RASEF: variants seen among roughly 807,000 people sequenced by gnomAD.
The protein encoded by RASEF is RAS and EF-hand domain containing, also known as ras and EF-hand domain-containing protein.
In RASEF, 68 loss-of-function variants were observed where a neutral mutation model predicts 90.1. The ratio of observed to expected loss-of-function variants is 0.75; its 90% CI spans 0.62 to 0.92. RASEF has a LOEUF of 0.92. Ranked by LOEUF, RASEF falls within the 40% of genes least tolerant of loss-of-function variation. The probability of loss-of-function intolerance (pLI) is 0.00; values close to 1 mark genes in which losing one functional copy is unlikely to be tolerated. For missense variants in RASEF, 949 were observed against 937.2 expected (o/e 1.01, Z -0.16); for synonymous variants, 331 against 345.2 (o/e 0.96, Z 0.46).
intron 1 of RASEF, among the ~76,000 whole-genome samples, chr9:83,037,874 C>G (rs554982346): frequency 9.9e-5 from 15 of 150,946 alleles, no homozygotes; most frequent in Non-Finnish European, 2.1e-4. Context: ...ATTTTTGAAG[C>G]TTTTTGCAGA....
At chr9:83,048,760 T>C in intron 1 of RASEF, 1 of 981,612 alleles carries the variant, frequency 1.0e-6, no homozygotes, top group Non-Finnish European at 1.2e-6. Flanking sequence ...ATGTTTTCCG[T>C]CCTATATAGT....
At chr9:83,037,458 A>G (rs1274282051) in intron 1 of RASEF, among the ~76,000 whole-genome samples, 1 of 152,206 alleles carries the variant, frequency 6.6e-6, no homozygotes, top group Non-Finnish European at 1.5e-5. Context: ...TTCCATGAAA[A>G]ATAAAAGAAT....
At chr9:83,158,957 C>T in the RASEF span, among the ~76,000 whole-genome samples, 8 of 151,586 alleles carry the variant, frequency 5.3e-5, no homozygotes, top group Non-Finnish European at 7.4e-5. Flanking sequence ...GAGGCCGAGG[C>T]GGGTAGATCA....
At chr9:83,210,480 G>T in the RASEF span, among the ~76,000 whole-genome samples, 1 of 152,150 alleles carries the variant, frequency 6.6e-6, no homozygotes, top group African/African-American at 2.4e-5. Context: ...CATGATAAGG[G>T]CCCTGTCTCC....
At chr9:83,124,854 T>C in the RASEF span, among the ~76,000 whole-genome samples, 1 of 152,162 alleles carries the variant, frequency 6.6e-6, no homozygotes, top group Non-Finnish European at 1.5e-5. Context: ...TGCTGAACTC[T>C]AGGATGCATT....
chr9:82,996,045 T>C (rs1012824200), intron 14 of RASEF, among the ~76,000 whole-genome samples: 7 of 151,688 alleles, frequency 4.6e-5, no homozygotes, highest in South Asian at 2.1e-4. Flanking sequence ...TTTTAAGCCA[T>C]GATAAGTTGG....
At chr9:83,156,109 T>G in the RASEF span, among the ~76,000 whole-genome samples, 1 of 152,216 alleles carries the variant, frequency 6.6e-6, no homozygotes, top group Non-Finnish European at 1.5e-5. Context: ...ATAATTTCCT[T>G]GTCTCACACA....
chr9:83,115,351 A>G, the RASEF span, among the ~76,000 whole-genome samples: 1 of 152,216 alleles, frequency 6.6e-6, no homozygotes, highest in African/African-American at 2.4e-5. Context: ...AATTTACTTG[A>G]AAAAATACAA....
chr9:83,188,362 A>T, the RASEF span, among the ~76,000 whole-genome samples: 1 of 152,350 alleles, frequency 6.6e-6, no homozygotes, highest in South Asian at 2.1e-4. Flanking sequence ...ACATATTCCC[A>T]GTAATAGTTC....
At chr9:83,196,949 T>C in the RASEF span, among the ~76,000 whole-genome samples, 3 of 152,382 alleles carry the variant, frequency 2.0e-5, no homozygotes, top group South Asian at 2.1e-4. Flanking sequence ...GCTCCTTTAA[T>C]GACGAACATA....
At chr9:83,167,508 A>G in the RASEF span, among the ~76,000 whole-genome samples, 4 of 152,108 alleles carry the variant, frequency 2.6e-5, no homozygotes, top group African/African-American at 7.2e-5. Context: ...TTCTTTTGTA[A>G]CAGTTTTATT....
chr9:83,039,986 C>T (rs1026332317), intron 1 of RASEF, among the ~76,000 whole-genome samples: 8 of 151,956 alleles, frequency 5.3e-5, no homozygotes, highest in African/African-American at 1.4e-4. Context: ...AACTGAATCA[C>T]GGGGGCAGGT....
chr9:83,011,489 T>C (rs1829242061), intron 5 of RASEF, among the ~76,000 whole-genome samples: 4 of 132,154 alleles, frequency 3.0e-5, no homozygotes, highest in South Asian at 4.9e-4. Flanking sequence ...GAGATGGAGG[T>C]TGCAGTGAGC....
At chr9:83,092,322 G>C in the RASEF span, among the ~76,000 whole-genome samples, 1 of 152,050 alleles carries the variant, frequency 6.6e-6, no homozygotes, top group African/African-American at 2.4e-5. Context: ...CAAGAATGAA[G>C]CCACGGACCC....
chr9:83,211,044 T>C, the RASEF span, among the ~76,000 whole-genome samples: 1 of 152,254 alleles, frequency 6.6e-6, no homozygotes, highest in African/African-American at 2.4e-5. Flanking sequence ...TGATACATTA[T>C]GACCATCTTA....
chr9:83,023,064 AT>A (rs1009177379), intron 2 of RASEF, among the ~76,000 whole-genome samples: 9 of 151,516 alleles, frequency 5.9e-5, no homozygotes, highest in Middle Eastern at 3.4e-3. Context: ...TAAATTCTGA[AT>A]TTTTTTTTGC....
At chr9:83,057,201 A>G (rs1830117236) in intron 1 of RASEF, among the ~76,000 whole-genome samples, 2 of 152,218 alleles carry the variant, frequency 1.3e-5, no homozygotes, top group Non-Finnish European at 2.9e-5. Flanking sequence ...CAATCAGGCA[A>G]GAGAAAGAAA....
chr9:83,058,172 C>CTTTTTTTT (rs555842009), intron 1 of RASEF, among the ~76,000 whole-genome samples: 15 of 57,898 alleles, frequency 2.6e-4, no homozygotes, highest in Non-Finnish European at 3.9e-4. Flanking sequence ...GTATTTATGT[C>CTTTTTTTT]TTTTTTTTTT....
At chr9:83,074,943 AAATGGTAG>A in the RASEF span, among the ~76,000 whole-genome samples, 1 of 152,198 alleles carries the variant, frequency 6.6e-6, no homozygotes, top group Non-Finnish European at 1.5e-5. Context: ...CATCACAAGG[AAATGGTAG>A]AATGCAGGAA....
Sources: gnomAD v4.1 joint callset for allele counts (sites outside exome capture counted in the v4.1 genomes callset) on GRCh38, gnomAD v4.1.1 for gene constraint, MANE v1.5 for transcripts, NCBI Gene and HGNC (gene_info 2026-07-23, HGNC 2026-07-21) for gene names.